The following DRC2 variants were observed in gnomAD, a reference collection of about 807,000 sequenced individuals.
DRC2 encodes dynein regulatory complex subunit 2.
chr12:48,914,521 G>C, the DRC2 span: 2 of 1,614,196 alleles, frequency 1.2e-6, no homozygotes, highest in Middle Eastern at 3.3e-4. Flanking sequence ...TCTCCTGGAG[G>C]AAAGTTACAA....
the DRC2 span, chr12:48,916,992 GA>G: frequency 1.9e-6 from 3 of 1,614,044 alleles, no homozygotes; most frequent in Non-Finnish European, 2.5e-6. Context: ...TGACCAACAT[GA>G]GAAAGAGATT....
At chr12:48,920,775 G>A in the DRC2 span, among the ~76,000 whole-genome samples, 1 of 151,990 alleles carries the variant, frequency 6.6e-6, no homozygotes, top group African/African-American at 2.4e-5. Flanking sequence ...GGAATAGTGT[G>A]TGTTACATGG....
chr12:48,908,694 G>A, the DRC2 span, among the ~76,000 whole-genome samples: 8 of 151,654 alleles, frequency 5.3e-5, no homozygotes, highest in Non-Finnish European at 1.0e-4. Context: ...TCTGCCCCCC[G>A]GGTTCAAGTG....
chr12:48,916,200 C>T, the DRC2 span, among the ~76,000 whole-genome samples: 39 of 151,730 alleles, frequency 2.6e-4, no homozygotes, highest in Non-Finnish European at 5.0e-4. Context: ...GACGGGGTGG[C>T]GGCCGGGCAG....
At chr12:48,906,327 G>C in the DRC2 span, among the ~76,000 whole-genome samples, 1 of 145,778 alleles carries the variant, frequency 6.9e-6, no homozygotes, top group Non-Finnish European at 1.5e-5. Context: ...TTTTGAGGCA[G>C]AGTTTCACTC....
At chr12:48,918,502 G>A in the DRC2 span, 7 of 1,601,600 alleles carry the variant, frequency 4.4e-6, no homozygotes, top group Admixed American at 8.4e-5. Flanking sequence ...AATACTCACT[G>A]CTTTAACTGC....
At chr12:48,912,437 CAAAAAA>C in the DRC2 span, among the ~76,000 whole-genome samples, 6 of 45,356 alleles carry the variant, frequency 1.3e-4, 1 homozygote, top group African/African-American at 2.9e-4. Flanking sequence ...GACGCCGTCT[CAAAAAA>C]AAAAAAAAAA....
the DRC2 span, among the ~76,000 whole-genome samples, chr12:48,914,061 C>G: frequency 1.4e-5 from 2 of 146,036 alleles, no homozygotes; most frequent in South Asian, 4.5e-4. Flanking sequence ...TTGTGAGTAG[C>G]TGGGATTACG....
chr12:48,916,219 A>G, the DRC2 span, among the ~76,000 whole-genome samples: 1 of 151,988 alleles, frequency 6.6e-6, no homozygotes, highest in Non-Finnish European at 1.5e-5. Context: ...AGAGGCTGCA[A>G]TCTCGGCACT....
the DRC2 span, chr12:48,904,488 T>C: frequency 1.7e-4 from 278 of 1,612,434 alleles, 1 homozygote; most frequent in Non-Finnish European, 8.2e-5. Context: ...TTTTGCATTA[T>C]GTCCTGCTCA....
chr12:48,905,330 C>A, the DRC2 span, among the ~76,000 whole-genome samples: 1 of 152,180 alleles, frequency 6.6e-6, no homozygotes, highest in Non-Finnish European at 1.5e-5. Flanking sequence ...TTGCCCAAAA[C>A]CAGTACTATC....
At chr12:48,914,628 C>T in the DRC2 span, 37 of 1,559,614 alleles carry the variant, frequency 2.4e-5, no homozygotes, top group South Asian at 5.8e-5. Flanking sequence ...GCCCAGAGTC[C>T]GTGTCAAGGA....
At chr12:48,920,037 T>G in the DRC2 span, among the ~76,000 whole-genome samples, 2 of 133,324 alleles carry the variant, frequency 1.5e-5, no homozygotes, top group Non-Finnish European at 3.1e-5. Context: ...CACTTGAGCC[T>G]GGGACATCGC....
chr12:48,920,111 T>TAAAAAAAAA, the DRC2 span, among the ~76,000 whole-genome samples: 1 of 32,080 alleles, frequency 3.1e-5, no homozygotes, highest in Non-Finnish European at 5.1e-5. Flanking sequence ...AGACCCTGTC[T>TAAAAAAAAA]AAAAAAAAAA....
the DRC2 span, among the ~76,000 whole-genome samples, chr12:48,912,366 C>G: frequency 6.9e-6 from 1 of 145,772 alleles, no homozygotes; most frequent in Non-Finnish European, 1.5e-5. Context: ...GGAGAGGGAG[C>G]TTGCAGTGAG....
At chr12:48,909,002 C>T in the DRC2 span, among the ~76,000 whole-genome samples, 3 of 151,346 alleles carry the variant, frequency 2.0e-5, no homozygotes, top group Non-Finnish European at 4.4e-5. Flanking sequence ...CATCAAAGCC[C>T]TCATGATCTG....
At chr12:48,906,257 A>AT in the DRC2 span, among the ~76,000 whole-genome samples, 2 of 151,296 alleles carry the variant, frequency 1.3e-5, no homozygotes, top group African/African-American at 4.9e-5. Context: ...TGCAATAACC[A>AT]TTATTCATTA....
the DRC2 span, chr12:48,918,791 G>T: frequency 5.6e-6 from 9 of 1,614,120 alleles, no homozygotes; most frequent in Middle Eastern, 1.6e-4. Context: ...GTACAACTGC[G>T]AAAACTTAAG....
chr12:48,921,231 C>A, the DRC2 span: 1 of 1,614,138 alleles, frequency 6.2e-7, no homozygotes, highest in Non-Finnish European at 8.5e-7. Context: ...GAAACTGGAG[C>A]AACTGAGCCT....
Sources: gnomAD v4.1 joint callset for allele counts (sites outside exome capture counted in the v4.1 genomes callset) on GRCh38, gnomAD v4.1.1 for gene constraint, MANE v1.5 for transcripts, NCBI Gene and HGNC (gene_info 2026-07-23, HGNC 2026-07-21) for gene names.